SUPT3H: variants seen among roughly 807,000 people sequenced by gnomAD.
The protein encoded by SUPT3H is transcription initiation protein SPT3 homolog.
Under a neutral mutation model 44.3 loss-of-function variants are expected in SUPT3H, and 44 were observed. The ratio of observed to expected loss-of-function variants is 0.99; its 90% CI spans 0.78 to 1.28. The LOEUF is 1.28. SUPT3H is among the 50% of genes most tolerant of loss of function. The pLI is 0.00. For missense variants in SUPT3H, 380 were observed against 387.1 expected, an observed-to-expected ratio of 0.98 and a Z score of 0.15; for synonymous variants, 124 against 125.6, an observed-to-expected ratio of 0.99 and a Z score of 0.09.
At chr6:45,284,463 C>T (rs1249106988) in intron 2 of SUPT3H, among the ~76,000 whole-genome samples, 3 of 152,152 alleles carry the variant, frequency 2.0e-5, no homozygotes, top group Admixed American at 1.3e-4. Flanking sequence ...ATACTATAAA[C>T]ACCTCTACGC....
At chr6:45,135,995 C>T (rs116240523) in intron 2 of SUPT3H, among the ~76,000 whole-genome samples, 2,260 of 152,240 alleles carry the variant, frequency 0.015, 57 homozygotes, top group African/African-American at 0.05. Context: ...TTATCAGCCA[C>T]CCATACTTCC....
In SUPT3H at chr6:44,900,937, G is replaced by T. The variant is rs143754049; in HGVS notation, c.912+31716C>A. Among the ~76,000 whole-genome samples, 990 of 152,202 alleles carry T rather than the reference G, an allele frequency of 6.5e-3. 13 individuals are homozygous for T. Among genetic ancestry groups the T allele is most frequent in the African/African-American group, 0.023 (935 of 41,544 alleles). On this transcript the variant is annotated intron_variant, in intron 10 of 10. Transcript: ENST00000371459. ...GGTCTGGAGTGGACCTCCAGCAAAC[G>T]CCAACAGACCTGCAGATGAGGGTCC...
chr6:45,312,066 T>G (rs1584859488), intron 2 of SUPT3H, among the ~76,000 whole-genome samples: 1 of 152,206 alleles, frequency 6.6e-6, no homozygotes, highest in East Asian at 1.9e-4. Context: ...ACCAATTATC[T>G]GCTGCCTTCA....
At chr6:44,926,906 T>C (rs1442272018) in intron 10 of SUPT3H, among the ~76,000 whole-genome samples, 1 of 152,198 alleles carries the variant, frequency 6.6e-6, no homozygotes, top group Admixed American at 6.5e-5. Context: ...CATATACCAC[T>C]TATACAATTA....
intron 3 of SUPT3H, among the ~76,000 whole-genome samples, chr6:45,050,134 TCTC>T (rs1002845822): frequency 2.0e-5 from 3 of 152,038 alleles, no homozygotes; most frequent in African/African-American, 7.2e-5. Context: ...CTGAGTAAAA[TCTC>T]CTGAAGTACT....
At chr6:44,934,026 G>A (rs549465443) in intron 9 of SUPT3H, among the ~76,000 whole-genome samples, 1 of 152,298 alleles carries the variant, frequency 6.6e-6, no homozygotes, top group Non-Finnish European at 1.5e-5. Flanking sequence ...CAGATGGCAG[G>A]CCATCAACAT....
intron 2 of SUPT3H, among the ~76,000 whole-genome samples, chr6:45,186,667 T>C (rs576986607): frequency 6.6e-6 from 1 of 152,152 alleles, no homozygotes; most frequent in Admixed American, 6.5e-5. Context: ...CTGGAAAAAT[T>C]TGAGAAAATC....
chr6:45,126,587 A>C (rs1438481627), intron 2 of SUPT3H, among the ~76,000 whole-genome samples: 1 of 152,200 alleles, frequency 6.6e-6, no homozygotes, highest in Non-Finnish European at 1.5e-5. Context: ...CCTAATGAAG[A>C]TTTACAGAAT....
chr6:45,098,966 C>T (rs1447194627), intron 3 of SUPT3H: 1 of 441,052 alleles, frequency 2.3e-6, no homozygotes, highest in African/African-American at 2.0e-5. Flanking sequence ...AGATCACAGA[C>T]TCTGGGATCC....
intron 2 of SUPT3H, among the ~76,000 whole-genome samples, chr6:45,308,642 A>C (rs553001189): frequency 6.6e-6 from 1 of 152,294 alleles, no homozygotes; most frequent in African/African-American, 2.4e-5. Flanking sequence ...AACTAATGTA[A>C]ATGACGAGTT....
At chr6:45,048,497 A>G (rs1411401098) in intron 3 of SUPT3H, among the ~76,000 whole-genome samples, 1 of 152,130 alleles carries the variant, frequency 6.6e-6, no homozygotes, top group African/African-American at 2.4e-5. Context: ...TTGTCTCAAC[A>G]CCATTTAAAA....
chr6:44,835,844 C>CA (rs1561857583), intron 10 of SUPT3H, among the ~76,000 whole-genome samples: 1 of 152,072 alleles, frequency 6.6e-6, no homozygotes, highest in Admixed American at 6.6e-5. Context: ...CAAGTTGTCT[C>CA]AAACTTAGGT....
In SUPT3H at chr6:45,015,758, A is replaced by C. The variant is rs1291819796; in HGVS notation, c.274-867T>G. On this transcript the variant is annotated intron_variant, in intron 4 of 10. Transcript: ENST00000371459. ...ACTTTTAAATTTCTTATAGCTTTTT[A>C]AACTTCTCTGTTAAAAACTAAGATG... Among the ~76,000 whole-genome samples, 3 of 151,758 alleles carry C rather than the reference A, an allele frequency of 2.0e-5. No homozygotes were observed. The East Asian group carries it at 5.8e-4, about 30-fold the overall frequency.
At chr6:45,158,298 A>ATATATATATATATT in intron 2 of SUPT3H, among the ~76,000 whole-genome samples, 16 of 99,688 alleles carry the variant, frequency 1.6e-4, no homozygotes, top group African/African-American at 7.5e-4. Context: ...ATATATATAT[A>ATATATATATATATT]TTTTTTTTTT....
At chr6:45,328,790 T>G in intron 2 of SUPT3H, 14 of 1,611,768 alleles carry the variant, frequency 8.7e-6, no homozygotes, top group Non-Finnish European at 1.2e-5. Flanking sequence ...TTGGGGTAAG[T>G]GTTACCATTT....
chr6:45,209,415 G>A (rs986685650), intron 2 of SUPT3H, among the ~76,000 whole-genome samples: 1 of 152,186 alleles, frequency 6.6e-6, no homozygotes, highest in South Asian at 2.1e-4. Flanking sequence ...ATCAATAGGA[G>A]TTTGGAAGAA....
At chr6:45,295,213 T>C (rs1562897135) in intron 2 of SUPT3H, among the ~76,000 whole-genome samples, 1 of 152,004 alleles carries the variant, frequency 6.6e-6, no homozygotes, top group East Asian at 1.9e-4. Context: ...AACTGATCTT[T>C]GAAAAAAACA....
chr6:45,091,049 T>G (rs1797067355), intron 3 of SUPT3H, among the ~76,000 whole-genome samples: 1 of 152,014 alleles, frequency 6.6e-6, no homozygotes, highest in Non-Finnish European at 1.5e-5. Flanking sequence ...AAATATCCTT[T>G]TCAAGTATGT....
intron 2 of SUPT3H, among the ~76,000 whole-genome samples, chr6:45,116,554 G>C (rs1221161691): frequency 6.6e-6 from 1 of 152,046 alleles, no homozygotes; most frequent in African/African-American, 2.4e-5. Context: ...TGAAATTCTG[G>C]GTTTTTAAAA....
Sources: allele counts gnomAD v4.1 joint callset (sites outside exome capture counted in the v4.1 genomes callset), GRCh38; gene constraint gnomAD v4.1.1; transcripts MANE v1.5; gene names NCBI Gene and HGNC (gene_info 2026-07-23, HGNC 2026-07-21).